MAP2K4: variants seen among roughly 807,000 people sequenced by gnomAD.
The protein encoded by MAP2K4 is dual specificity mitogen-activated protein kinase kinase 4.
In MAP2K4, 4 loss-of-function variants were observed where a neutral mutation model predicts 48.5. The observed-to-expected ratio is 0.08, with a 90% CI of 0.04 to 0.19. The LOEUF is 0.19. Among genes scored for constraint, MAP2K4 ranks in the 10% least tolerant of loss-of-function variants. MAP2K4 has a pLI of 1.00. For synonymous variants in MAP2K4, 166 were observed against 173.1 expected, an observed-to-expected ratio of 0.96 and a Z score of 0.32; for missense variants, 258 against 493.3, an observed-to-expected ratio of 0.52 and a Z score of 4.52.
intron 4 of MAP2K4, among the ~76,000 whole-genome samples, chr17:12,097,016 G>A (rs181288575): frequency 1.2e-4 from 19 of 152,002 alleles, no homozygotes; most frequent in South Asian, 4.2e-4. Context: ...TCAGCATTCC[G>A]TTACATCAGT....
chr17:12,056,655 C>G (rs1476174285), intron 2 of MAP2K4, among the ~76,000 whole-genome samples: 1 of 152,010 alleles, frequency 6.6e-6, no homozygotes, highest in Non-Finnish European at 1.5e-5. Flanking sequence ...GTCAATTGTT[C>G]TGGGTTAGGA....
At chr17:12,022,389 G>C (rs965772799) in intron 1 of MAP2K4, among the ~76,000 whole-genome samples, 4 of 152,158 alleles carry the variant, frequency 2.6e-5, no homozygotes, top group Non-Finnish European at 5.9e-5. Flanking sequence ...CCACTGTGTT[G>C]CACAGCACAT....
intron 10 of MAP2K4, among the ~76,000 whole-genome samples, chr17:12,140,505 C>T (rs1044444146): frequency 4.6e-5 from 7 of 152,126 alleles, no homozygotes; most frequent in African/African-American, 1.7e-4. Context: ...CATACTTAGT[C>T]TGTAAAAGAA....
chr17:12,102,721 G>A (rs1971973741), intron 4 of MAP2K4, among the ~76,000 whole-genome samples: 1 of 152,040 alleles, frequency 6.6e-6, no homozygotes. Context: ...TTCTATTCAA[G>A]TTACGTATTT....
At chr17:12,110,059 G>GAA (rs980424615) in intron 5 of MAP2K4, among the ~76,000 whole-genome samples, 1 of 139,470 alleles carries the variant, frequency 7.2e-6, no homozygotes, top group African/African-American at 2.6e-5. Context: ...AATAAAAAGG[G>GAA]AAAAAAAAAA....
At chr17:12,058,641 G>A (rs2151529062) in intron 2 of MAP2K4, among the ~76,000 whole-genome samples, 1 of 152,278 alleles carries the variant, frequency 6.6e-6, no homozygotes, top group East Asian at 1.9e-4. Flanking sequence ...ACAGTTAATA[G>A]CATGGCCAAT....
intron 2 of MAP2K4, among the ~76,000 whole-genome samples, chr17:12,060,752 C>CGT (rs952878878): frequency 5.9e-5 from 8 of 135,364 alleles, no homozygotes; most frequent in East Asian, 4.6e-4. Flanking sequence ...TGTGTGCGCG[C>CGT]GTGTGTGTGT....
intron 1 of MAP2K4, among the ~76,000 whole-genome samples, chr17:12,031,860 A>G (rs887460656): frequency 6.6e-6 from 1 of 152,206 alleles, no homozygotes; most frequent in Non-Finnish European, 1.5e-5. Context: ...ATAGATGGTA[A>G]TTAATCATGG....
chr17:12,103,471 C>G (rs1972006847), intron 4 of MAP2K4, among the ~76,000 whole-genome samples: 1 of 151,774 alleles, frequency 6.6e-6, no homozygotes, highest in Admixed American at 6.6e-5. Context: ...TTGTTTGTTT[C>G]TTAAGGTGGT....
At chr17:12,133,274 G>C (rs1973092403) in intron 9 of MAP2K4, among the ~76,000 whole-genome samples, 1 of 152,150 alleles carries the variant, frequency 6.6e-6, no homozygotes, top group Admixed American at 6.6e-5. Context: ...TAGAGATGGG[G>C]TTTCACCACA....
intron 1 of MAP2K4, among the ~76,000 whole-genome samples, chr17:12,038,224 A>G (rs1303931666): frequency 6.6e-6 from 1 of 152,122 alleles, no homozygotes; most frequent in Non-Finnish European, 1.5e-5. Context: ...TTTAGCTCAT[A>G]CATTTAGGGT....
chr17:12,102,820 T>C (rs1053663048), intron 4 of MAP2K4, among the ~76,000 whole-genome samples: 4 of 151,992 alleles, frequency 2.6e-5, no homozygotes, highest in Admixed American at 6.6e-5. Context: ...AAATTATTCA[T>C]AATATTTCTT....
chr17:12,051,980 T>C (rs1970154594), intron 1 of MAP2K4, among the ~76,000 whole-genome samples: 1 of 152,062 alleles, frequency 6.6e-6, no homozygotes, highest in Non-Finnish European at 1.5e-5. Context: ...TCCTGAGTAT[T>C]GTAAAAGCTA....
At chr17:12,067,073 C>T (rs1288034128) in intron 2 of MAP2K4, among the ~76,000 whole-genome samples, 3 of 152,146 alleles carry the variant, frequency 2.0e-5, no homozygotes, top group East Asian at 3.9e-4. Context: ...CCACCCACCT[C>T]GGCCTCCCAA....
chr17:12,045,474 C>T (rs868190761), intron 1 of MAP2K4, among the ~76,000 whole-genome samples: 19 of 152,150 alleles, frequency 1.2e-4, no homozygotes, highest in Admixed American at 2.6e-4. Flanking sequence ...GAAGCCACTC[C>T]GTGGGCTCTG....
intron 2 of MAP2K4, among the ~76,000 whole-genome samples, chr17:12,062,851 A>G (rs1196933871): frequency 6.6e-6 from 1 of 151,662 alleles, no homozygotes; most frequent in Non-Finnish European, 1.5e-5. Context: ...CTTTTTCCCC[A>G]CGTTCTGAAA....
intron 3 of MAP2K4, among the ~76,000 whole-genome samples, chr17:12,085,767 C>T (rs1314344915): frequency 1.3e-5 from 2 of 152,088 alleles, no homozygotes; most frequent in Non-Finnish European, 2.9e-5. Context: ...ACAGTATCAG[C>T]AGCCCACAGC....
intron 2 of MAP2K4, among the ~76,000 whole-genome samples, chr17:12,058,534 T>C (rs1302621637): frequency 6.6e-6 from 1 of 152,214 alleles, no homozygotes; most frequent in Admixed American, 6.5e-5. Context: ...TTTTTCTGTT[T>C]ATTTTTAAAC....
intron 1 of MAP2K4, among the ~76,000 whole-genome samples, chr17:12,052,424 ATC>A (rs999601278): frequency 5.9e-5 from 9 of 152,178 alleles, no homozygotes; most frequent in South Asian, 2.1e-4. Flanking sequence ...GCTGAAAAAA[ATC>A]TCTCTGTGTA....
Sources: allele counts gnomAD v4.1 joint callset (sites outside exome capture counted in the v4.1 genomes callset), GRCh38; gene constraint gnomAD v4.1.1; transcripts MANE v1.5; gene names NCBI Gene and HGNC (gene_info 2026-07-23, HGNC 2026-07-21).